ST6GALNAC3: variants seen among roughly 807,000 people sequenced by gnomAD.
ST6GALNAC3 encodes alpha-N-acetylgalactosaminide alpha-2,6-sialyltransferase 3.
A neutral mutation model predicts 32.7 loss-of-function variants in ST6GALNAC3; 25 were observed. That is an observed-to-expected ratio of 0.76 (90% confidence interval 0.56 to 1.07). The LOEUF (loss-of-function observed/expected upper bound fraction) is 1.07. Ranked by LOEUF, ST6GALNAC3 falls within the 50% of genes least tolerant of loss-of-function variation. The pLI is 0.00. For synonymous variants in ST6GALNAC3, 129 were observed against 133.1 expected (o/e 0.97, Z 0.21); for missense variants, 355 against 382.4 (o/e 0.93, Z 0.60).
intron 1 of ST6GALNAC3, among the ~76,000 whole-genome samples, chr1:76,229,611 A>C (rs1233842306): frequency 6.6e-6 from 1 of 152,150 alleles, no homozygotes; most frequent in Non-Finnish European, 1.5e-5. Flanking sequence ...CAGAGGGCCT[A>C]GTTGGGCAAG....
chr1:76,301,712 A>C (rs941454800), intron 1 of ST6GALNAC3, among the ~76,000 whole-genome samples: 28 of 152,026 alleles, frequency 1.8e-4, no homozygotes, highest in African/African-American at 6.3e-4. Flanking sequence ...ACTTTGACCT[A>C]TAAGAGGACA....
intron 2 of ST6GALNAC3, among the ~76,000 whole-genome samples, chr1:76,380,807 T>C (rs1044148478): frequency 1.3e-5 from 2 of 152,196 alleles, no homozygotes; most frequent in Non-Finnish European, 2.9e-5. Context: ...TGGAATGATA[T>C]GTAAAAATCA....
intron 2 of ST6GALNAC3, among the ~76,000 whole-genome samples, chr1:76,387,097 C>T (rs1047724145): frequency 3.3e-5 from 5 of 152,170 alleles, no homozygotes; most frequent in African/African-American, 1.2e-4. Context: ...TGTTACTTCT[C>T]ATTTCAAGCT....
At chr1:76,587,793 G>A (rs561352867) in intron 3 of ST6GALNAC3, among the ~76,000 whole-genome samples, 2 of 152,278 alleles carry the variant, frequency 1.3e-5, no homozygotes, top group South Asian at 2.1e-4. Flanking sequence ...AAGAGACGTG[G>A]CATGTGGGTG....
intron 1 of ST6GALNAC3, among the ~76,000 whole-genome samples, chr1:76,295,679 CCTTCA>C (rs1660360615): frequency 6.6e-6 from 1 of 151,956 alleles, no homozygotes; most frequent in Admixed American, 6.6e-5. Context: ...GGCACAGGAT[CCTTCA>C]TGAGGAAATG....
intron 1 of ST6GALNAC3, among the ~76,000 whole-genome samples, chr1:76,217,869 A>G (rs761855556): frequency 1.3e-4 from 20 of 152,268 alleles, no homozygotes; most frequent in Middle Eastern, 3.4e-3. Context: ...ATGGCTGAGT[A>G]GTATTCTATG....
At chr1:76,635,351 G>A (rs778100757), downstream of ST6GALNAC3, among the ~76,000 whole-genome samples, 1 of 152,158 alleles carries the variant, frequency 6.6e-6, no homozygotes, top group Non-Finnish European at 1.5e-5. Context: ...ATCTCAAAAT[G>A]AGAGTCATCT....
At chr1:76,465,455 A>C (rs919641824) in intron 3 of ST6GALNAC3, among the ~76,000 whole-genome samples, 10 of 152,296 alleles carry the variant, frequency 6.6e-5, no homozygotes, top group Admixed American at 2.0e-4. Context: ...ATGATGTTTT[A>C]CTTCTCTGAA....
chr1:76,346,626 G>A (rs1294144681), intron 2 of ST6GALNAC3, among the ~76,000 whole-genome samples: 1 of 152,174 alleles, frequency 6.6e-6, no homozygotes, highest in Non-Finnish European at 1.5e-5. Flanking sequence ...AGTGGGGTAT[G>A]GTGTGTGGTG....
rs1649347528 is a variant in ST6GALNAC3, at chr1:76,632,501, A to T, written c.*3695A>T. 1 of 152,168 alleles carries T rather than the reference A, an allele frequency of 6.6e-6. No homozygotes were observed. Among genetic ancestry groups the T allele is most frequent in the Non-Finnish European group, 1.5e-5 (1 of 68,016 alleles). The allele number at this position is 152,168 out of a possible 1,614,324, so 9.4% of individuals were successfully genotyped here. ...TAAGCCAGTCTTTAGCATAAGCAAA[A>T]TCCAGATTTGCATGATTTTTATTAT... On this transcript the variant is annotated 3_prime_UTR_variant, in exon 5 of 5. Coordinates refer to ENST00000328299, the MANE Select transcript of ST6GALNAC3 (RefSeq NM_152996.4).
At chr1:76,221,560 A>G (rs1375414530) in intron 1 of ST6GALNAC3, among the ~76,000 whole-genome samples, 1 of 152,166 alleles carries the variant, frequency 6.6e-6, no homozygotes, top group Non-Finnish European at 1.5e-5. Flanking sequence ...CTGAGAATGT[A>G]TCATTCAGAC....
intron 3 of ST6GALNAC3, among the ~76,000 whole-genome samples, chr1:76,451,463 C>T (rs1466399376): frequency 6.6e-6 from 1 of 152,202 alleles, no homozygotes; most frequent in Non-Finnish European, 1.5e-5. Flanking sequence ...CACTGGGTGT[C>T]TCCCAGGACA....
chr1:76,557,020 T>C (rs977627025), intron 3 of ST6GALNAC3, among the ~76,000 whole-genome samples: 1 of 151,978 alleles, frequency 6.6e-6, no homozygotes, highest in African/African-American at 2.4e-5. Context: ...CTTAGGTCTA[T>C]TATCTATTTT....
chr1:76,163,234 A>G lies in ST6GALNAC3; in HGVS notation c.18+88350A>G, dbSNP rs557990525. ...ATATGATTTTAAAAGTTGTTCTTGA[A>G]GTTTTATGTATCTTTCCTGAGTCAT... On this transcript the variant is annotated intron_variant, in intron 1 of 4. Coordinates refer to ENST00000328299, the MANE Select transcript of ST6GALNAC3 (RefSeq NM_152996.4). 2.0e-5 allele frequency among the ~76,000 whole-genome samples: 3 copies of G among 152,290 alleles called. No homozygotes were observed. The South Asian group carries it at 6.2e-4, about 32-fold the overall frequency.
intron 3 of ST6GALNAC3, among the ~76,000 whole-genome samples, chr1:76,595,927 T>C (rs1343360141): frequency 1.3e-5 from 2 of 152,072 alleles, no homozygotes; most frequent in Admixed American, 6.6e-5. Context: ...GGAGACATGA[T>C]TAGAACCAGC....
In ST6GALNAC3 at chr1:76,287,665, C is replaced by T. The variant is rs530268685; in HGVS notation, c.19-26140C>T. Reference sequence around the variant, plus strand: ...AATCGCAGGCATTATAAAAGCCAGCCTGCTTTATGACTGTCATGTGAGAAA... The same window carrying T: ...AATCGCAGGCATTATAAAAGCCAGCTTGCTTTATGACTGTCATGTGAGAAA... On this transcript the variant is annotated intron_variant, in intron 1 of 4. Transcript: ENST00000328299. Among the ~76,000 whole-genome samples, 104 of 152,240 alleles carry T rather than the reference C, an allele frequency of 6.8e-4. 1 individual carries two copies. Among genetic ancestry groups the T allele is most frequent in the African/African-American group, 2.4e-3 (100 of 41,526 alleles).
intron 1 of ST6GALNAC3, among the ~76,000 whole-genome samples, chr1:76,311,361 A>T (rs915402765): frequency 4.6e-5 from 7 of 151,768 alleles, no homozygotes; most frequent in Non-Finnish European, 8.8e-5. Context: ...TACATGTGCC[A>T]TGGTGGTTTG....
intron 1 of ST6GALNAC3, among the ~76,000 whole-genome samples, chr1:76,155,047 G>C (rs1463206112): frequency 6.6e-6 from 1 of 151,916 alleles, no homozygotes; most frequent in Non-Finnish European, 1.5e-5. Context: ...TTGCCTTGGA[G>C]GATGTGTGTA....
chr1:76,311,027 C>T (rs1646751687), intron 1 of ST6GALNAC3, among the ~76,000 whole-genome samples: 1 of 152,124 alleles, frequency 6.6e-6, no homozygotes, highest in African/African-American at 2.4e-5. Context: ...CTGAATTTTC[C>T]GTCAGCCGCT....
Sources: allele counts gnomAD v4.1 joint callset (sites outside exome capture counted in the v4.1 genomes callset), GRCh38; gene constraint gnomAD v4.1.1; transcripts MANE v1.5; gene names NCBI Gene and HGNC (gene_info 2026-07-23, HGNC 2026-07-21).